UGT1A4: variants seen among roughly 807,000 people sequenced by gnomAD.
The protein encoded by UGT1A4 is UDP glucuronosyltransferase family 1 member A4.
In UGT1A4, 32 loss-of-function variants were observed where a neutral mutation model predicts 41.1. That is an observed-to-expected ratio of 0.78 (90% CI 0.59 to 1.05). UGT1A4 has a LOEUF of 1.05. Ranked by LOEUF, UGT1A4 falls within the 50% of genes least tolerant of loss-of-function variation. UGT1A4 has a pLI of 0.00. For synonymous variants in UGT1A4, 283 were observed against 265.1 expected, an observed-to-expected ratio of 1.07 and a Z score of -0.66; for missense variants, 748 against 677.4, an observed-to-expected ratio of 1.10 and a Z score of -1.16.
At chr2:233,756,852 C>A (rs11568318) in intron 1 of UGT1A4, among the ~76,000 whole-genome samples, 7,795 of 152,070 alleles carry the variant, frequency 0.051, 227 homozygotes, top group African/African-American at 0.061. Context: ...AACATTCTAA[C>A]GGTTCATAAA....
At chr2:233,736,391 T>G (rs923297750) in intron 1 of UGT1A4, among the ~76,000 whole-genome samples, 3 of 152,222 alleles carry the variant, frequency 2.0e-5, no homozygotes, top group African/African-American at 7.2e-5. Flanking sequence ...CTACAGTGTT[T>G]ATTCTAGTTA....
intron 1 of UGT1A4, among the ~76,000 whole-genome samples, chr2:233,737,561 C>T (rs1436138407): frequency 1.3e-5 from 2 of 152,190 alleles, no homozygotes; most frequent in African/African-American, 4.8e-5. Flanking sequence ...CAGTGGGATG[C>T]ACCCACTATC....
In UGT1A4 at chr2:233,740,517, A is replaced by G. The variant is rs139363796; in HGVS notation, c.867+20830A>G. On this transcript the variant is annotated intron_variant, in intron 1 of 4. Transcript: ENST00000373409. ...CTTTCCAGTGTGTGATGTAAGCTGA[A>G]CTAAAATCAGCTGTGTTGAACTCCA... 1.6e-4 allele frequency among the ~76,000 whole-genome samples: 25 copies of G among 152,030 alleles called. No individual in the cohort carries two copies. The East Asian group carries it at 4.2e-3, about 26-fold the overall frequency.
intron 1 of UGT1A4, chr2:233,761,144 T>A: frequency 6.2e-7 from 1 of 1,614,254 alleles, no homozygotes; most frequent in Non-Finnish European, 8.5e-7. Flanking sequence ...CAAAATCCAC[T>A]ATCCCAGGTG....
At chr2:233,721,228 G>A (rs2076928713) in intron 1 of UGT1A4, among the ~76,000 whole-genome samples, 1 of 152,140 alleles carries the variant, frequency 6.6e-6, no homozygotes, top group Non-Finnish European at 1.5e-5. Context: ...ATGCAATGTA[G>A]TTACTGAATT....
intron 1 of UGT1A4, among the ~76,000 whole-genome samples, chr2:233,731,737 A>G (rs2078198933): frequency 6.6e-6 from 1 of 152,224 alleles, no homozygotes; most frequent in African/African-American, 2.4e-5. Context: ...TAGTGCCACA[A>G]TAAACATACG....
intron 1 of UGT1A4, among the ~76,000 whole-genome samples, chr2:233,740,447 G>A (rs1691391497): frequency 6.6e-6 from 1 of 151,994 alleles, no homozygotes; most frequent in African/African-American, 2.4e-5. Context: ...GGAATCAGAG[G>A]AGAAGAAGAT....
At chr2:233,732,357 TC>T (rs2078264075) in intron 1 of UGT1A4, among the ~76,000 whole-genome samples, 1 of 152,282 alleles carries the variant, frequency 6.6e-6, no homozygotes, top group South Asian at 2.1e-4. Flanking sequence ...AGTCATGAAG[TC>T]CTGGCCCATG....
At chr2:233,723,194 T>TA (rs551785642) in intron 1 of UGT1A4, among the ~76,000 whole-genome samples, 179 of 130,008 alleles carry the variant, frequency 1.4e-3, no homozygotes, top group African/African-American at 1.9e-3. Context: ...GTCCATGTGG[T>TA]AAAAAAAGTC....
chr2:233,724,332 G>A (rs1575552340), intron 1 of UGT1A4, among the ~76,000 whole-genome samples: 1 of 147,638 alleles, frequency 6.8e-6, no homozygotes, highest in Admixed American at 6.7e-5. Context: ...TGGCCAGGCG[G>A]GGGGCTGACC....
intron 1 of UGT1A4, among the ~76,000 whole-genome samples, chr2:233,748,531 T>G (rs1693967271): frequency 6.6e-6 from 1 of 151,738 alleles, no homozygotes; most frequent in African/African-American, 2.4e-5. Flanking sequence ...GATAGAGAGG[T>G]GACCACAGGA....
rs2076720439 is a variant in UGT1A4 at position 233,719,060 on chromosome 2, T to A, written c.240T>A (p.Tyr80Ter). ...AGAAATTTTTCACCCTGACAGCCTA[T>A]GCTGTTCCATGGACCCAGAAGGAAT... is the stretch of plus-strand genomic sequence containing the variant. ...KEEKFFTLTA[Y>*]AVPWTQKEFD... Residue 80 changes from tyrosine to a stop codon, truncating the protein, a stop_gained, in exon 1 of 5, where the codon TAT becomes TAA. Coordinates refer to ENST00000373409, the MANE Select transcript of UGT1A4 (RefSeq NM_007120.3). LOFTEE classifies it high-confidence loss of function. 2 of 1,614,258 alleles carry A rather than the reference T, an allele frequency of 1.2e-6. No homozygotes were observed. Among genetic ancestry groups the A allele is most frequent in the Middle Eastern group, 1.6e-4 (1 of 6,062 alleles).
At chr2:233,755,100 G>T (rs920872791) in intron 1 of UGT1A4, 1 of 1,335,078 alleles carries the variant, frequency 7.5e-7, no homozygotes, top group Non-Finnish European at 1.0e-6. Context: ...CTACGCGTCC[G>T]ACAACACCTC....
intron 1 of UGT1A4, among the ~76,000 whole-genome samples, chr2:233,726,425 CTCTTAA>C (rs2077531694): frequency 6.6e-6 from 1 of 152,204 alleles, no homozygotes; most frequent in Non-Finnish European, 1.5e-5. Context: ...ATTCTGTCCA[CTCTTAA>C]TCTTATTCTT....
chr2:233,750,277 G>T (rs1168754564), intron 1 of UGT1A4, among the ~76,000 whole-genome samples: 1 of 151,936 alleles, frequency 6.6e-6, no homozygotes, highest in Admixed American at 6.5e-5. Context: ...TTAGCAAAGA[G>T]ACTGGTGGCA....
chr2:233,748,870 C>T (rs930859259), intron 1 of UGT1A4, among the ~76,000 whole-genome samples: 9 of 151,444 alleles, frequency 5.9e-5, no homozygotes, highest in Non-Finnish European at 1.0e-4. Flanking sequence ...AAGCTGGGGA[C>T]GGTGATGAAT....
chr2:233,752,486 G>A (rs1051165548), intron 1 of UGT1A4: 1 of 152,154 alleles, frequency 6.6e-6, no homozygotes, highest in African/African-American at 2.4e-5. Context: ...TTATGTTTTT[G>A]AGATGAGACA....
chr2:233,770,117 C>T (rs1700019979), intron 4 of UGT1A4: 1 of 152,326 alleles, frequency 6.6e-6, no homozygotes, highest in Non-Finnish European at 1.5e-5. Context: ...CTAAGAACAA[C>T]TTGGTGAAAG....
At chr2:233,771,176 C>T (rs887864017) in intron 4 of UGT1A4, 17 of 152,256 alleles carry the variant, frequency 1.1e-4, no homozygotes, top group African/African-American at 3.6e-4. Context: ...CTGGGGATTA[C>T]AATTCAACAT....
Sources: gnomAD v4.1 joint callset for allele counts (sites outside exome capture counted in the v4.1 genomes callset) on GRCh38, gnomAD v4.1.1 for gene constraint, MANE v1.5 for transcripts, NCBI Gene and HGNC (gene_info 2026-07-23, HGNC 2026-07-21) for gene names.